PRR19: variants seen among roughly 807,000 people sequenced by gnomAD.
The protein encoded by PRR19 is proline-rich protein 19.
In PRR19, 9 loss-of-function variants were observed where a neutral mutation model predicts 19.2. That is an observed-to-expected ratio of 0.47 (90% CI 0.28 to 0.82). PRR19 has a LOEUF of 0.82. Among genes scored for constraint, PRR19 ranks in the 40% least tolerant of loss-of-function variants. The pLI, the probability that PRR19 is intolerant of heterozygous loss-of-function variation, is 0.11. For synonymous variants in PRR19, 190 were observed against 191.0 expected (o/e 0.99, Z 0.04); for missense variants, 457 against 466.0 (o/e 0.98, Z 0.18).
At chr19:42,307,793 G>T (rs1374501169) in intron 1 of PRR19, among the ~76,000 whole-genome samples, 1 of 94,168 alleles carries the variant, frequency 1.1e-5, no homozygotes, top group Non-Finnish European at 2.0e-5. Flanking sequence ...AGTCTCGCTC[G>T]GTCATCCAGG....
Position 42,310,373 on chromosome 19 carries a change from A to G in PRR19, c.704A>G (p.Lys235Arg). ...QERQRKQQGT[K>R]EFTFPMPYTS... is the part of the protein sequence containing the mutation. ...AGGCAAAGGAAGCAACAAGGGACAA[A>G]GGAGTTCACCTTCCCCATGCCCTAC... The change falls in exon 3 of 3, where the codon AAG becomes AGG. Residue 235 changes from lysine (K) to arginine (R), a missense_variant. Transcript: ENST00000341747. 6.2e-7 allele frequency: 1 copy of G among 1,614,168 alleles called. No homozygotes were observed. Among genetic ancestry groups the G allele is most frequent in the Non-Finnish European group, 8.5e-7 (1 of 1,179,998 alleles).
At position 42,307,338 on chromosome 19, in the gene PRR19, G is replaced by T. The variant is rs537884020; in HGVS notation, c.-6-2241G>T. 3.3e-5 allele frequency among the ~76,000 whole-genome samples: 5 copies of T among 151,814 alleles called. No individual in the cohort carries two copies. In the East Asian group the frequency reaches 7.7e-4, roughly 24 times the overall value. On this transcript the variant is annotated intron_variant, in intron 1 of 2. Transcript: ENST00000341747. ...CACTTTCTGCATTCCCCTGTACCTC[G>T]TCTACCCCTGGATTTCTCCGTCCAG...
chr19:42,302,701 G>A (rs978219922), intron 1 of PRR19, 198 bp downstream of exon 1: 5 of 245,152 alleles, frequency 2.0e-5, no homozygotes, highest in Non-Finnish European at 4.1e-5. Context: ...CGAACTACCT[G>A]AAGAGTCGAG....
chr19:42,302,594 C>A (rs2038655333), intron 1 of PRR19, 91 bp downstream of exon 1: 4 of 401,312 alleles, frequency 1.0e-5, no homozygotes, highest in Non-Finnish European at 9.1e-6. Flanking sequence ...ACTCCCAGGC[C>A]GCGCACCCGG....
In PRR19 at chr19:42,310,468, C is replaced by T; in HGVS notation, c.799C>T (p.Pro267Ser). ...AAGAGGTCCCTGGCCACCATACTTT[C>T]CCTCACTGTCTTCGCCATCTGGAAC... ...PPRGPWPPYF[P>S]SLSSPSGTAW... Residue 267 changes from proline (P) to serine (S), a missense_variant, in exon 3 of 3, where the codon CCC becomes TCC. Physicochemically the swap from Pro to Ser is moderately conservative, Grantham distance 74. Transcript: ENST00000341747. 6.2e-7 allele frequency: 1 copy of T among 1,614,190 alleles called. No individual in the cohort carries two copies. The highest frequency in any genetic ancestry group is 1.7e-5 in the Admixed American group (1 of 60,026).
Position 42,302,157 on chromosome 19 carries a change from G to C in PRR19, c.-353G>C. 6.7e-7 allele frequency: 1 copy of C among 1,496,594 alleles called. No homozygotes were observed. The highest frequency in any genetic ancestry group is 2.5e-5 in the East Asian group (1 of 40,578). The allele number at this position is 1,496,594 out of a possible 1,614,324, so 92.7% of individuals were successfully genotyped here. ...AGTTTCCCAATCAGGTAGTGAGAGTGGCACGAACCAGCCGTTCTCCTGAGC... is the reference window on the plus strand; with the variant it reads ...AGTTTCCCAATCAGGTAGTGAGAGTCGCACGAACCAGCCGTTCTCCTGAGC... On this transcript the variant is annotated 5_prime_UTR_variant, in exon 1 of 3. Coordinates refer to ENST00000341747, the MANE Select transcript of PRR19 (RefSeq NM_199285.3).
rs2038787793 is a variant in PRR19, at chr19:42,310,744, G to A, written c.*4G>A. 1 of 1,508,988 alleles carries A rather than the reference G, an allele frequency of 6.6e-7. No individual in the cohort carries two copies. Among genetic ancestry groups the A allele is most frequent in the Admixed American group, 2.2e-5 (1 of 45,530 alleles). The allele number at this position is 1,508,988 out of a possible 1,614,324, so 93.5% of individuals were successfully genotyped here. ...TCCACCCATGAGACTGTACTGAGGAGAGGCTGAGGCTAGGGCTGGGGACAG... is the reference window on the plus strand; with the variant it reads ...TCCACCCATGAGACTGTACTGAGGAAAGGCTGAGGCTAGGGCTGGGGACAG... On this transcript the variant is annotated 3_prime_UTR_variant, in exon 3 of 3. Transcript: ENST00000341747.
rs953901336 is a variant in PRR19 at position 42,302,485 on chromosome 19, G to A, written c.-25G>A. ...AGGGCGCCGCCTCCTCTCCAGGGACGGAAGCCTTCACTTAGGAGGTAGGTG... is the reference window on the plus strand; with the variant it reads ...AGGGCGCCGCCTCCTCTCCAGGGACAGAAGCCTTCACTTAGGAGGTAGGTG... On this transcript the variant is annotated 5_prime_UTR_variant, in exon 1 of 3. Transcript: ENST00000341747. 8.4e-6 allele frequency: 5 copies of A among 591,980 alleles called. No individual in the cohort carries two copies. Among genetic ancestry groups the A allele is most frequent in the African/African-American group, 5.6e-5 (3 of 53,500 alleles). The allele number at this position is 591,980 out of a possible 1,614,324, so 36.7% of individuals were successfully genotyped here.
chr19:42,303,868 AG>A (rs1472211302), intron 1 of PRR19, among the ~76,000 whole-genome samples: 1 of 152,070 alleles, frequency 6.6e-6, no homozygotes, highest in Non-Finnish European at 1.5e-5. Flanking sequence ...TGGGTTTCCT[AG>A]GAGTAGTATC....
Position 42,302,277 on chromosome 19 carries a change from G to C in PRR19, c.-233G>C. 1.2e-6 allele frequency: 2 copies of C among 1,607,172 alleles called. No homozygotes were observed. The highest frequency in any genetic ancestry group is 1.7e-6 in the Non-Finnish European group (2 of 1,177,500). On this transcript the variant is annotated 5_prime_UTR_variant, in exon 1 of 3. Transcript: ENST00000341747. ...CGCCCTGTACGTCCTGCACCGGCGTGGGCTTGCTGGCTGGGTTCTCCTCTC... is the reference window on the plus strand; with the variant it reads ...CGCCCTGTACGTCCTGCACCGGCGTCGGCTTGCTGGCTGGGTTCTCCTCTC...
At chr19:42,307,728 C>T (rs185636323) in intron 1 of PRR19, among the ~76,000 whole-genome samples, 4,470 of 149,768 alleles carry the variant, frequency 0.03, 209 homozygotes, top group African/African-American at 0.1. Flanking sequence ...AGCCACTGCG[C>T]CTGGCCCCCA....
chr19:42,306,766 A>T (rs1025262194), intron 1 of PRR19, among the ~76,000 whole-genome samples: 15 of 152,154 alleles, frequency 9.9e-5, no homozygotes, highest in Non-Finnish European at 8.8e-5. Flanking sequence ...AAGGGGGCGG[A>T]CCTAGTGAAC....
At position 42,309,983 on chromosome 19, in the gene PRR19, A is replaced by G. The variant is rs780002987; in HGVS notation, c.399A>G (p.Pro133=). 5.0e-6 allele frequency: 8 copies of G among 1,613,874 alleles called. No individual in the cohort carries two copies. The East Asian group carries it at 1.8e-4, about 36-fold the overall frequency. The part of the protein sequence containing the change: ...KENQVPGGSG[P]GPPSSPELSG... Reference sequence around the variant, plus strand: ...ACCAGGTGCCTGGAGGTTCGGGCCCAGGCCCACCCAGTTCCCCAGAGTTGT... The same window carrying G: ...ACCAGGTGCCTGGAGGTTCGGGCCCGGGCCCACCCAGTTCCCCAGAGTTGT... The change falls in exon 2 of 3, where the codon CCA becomes CCG. Residue 133 remains proline, a synonymous_variant. Coordinates refer to ENST00000341747, the MANE Select transcript of PRR19 (RefSeq NM_199285.3).
chr19:42,302,161 C>A lies in PRR19; in HGVS notation c.-349C>A. 2 of 1,502,650 alleles carry A rather than the reference C, an allele frequency of 1.3e-6. No homozygotes were observed. The highest frequency in any genetic ancestry group is 2.5e-5 in the East Asian group (1 of 40,640). The allele number at this position is 1,502,650 out of a possible 1,614,324, so 93.1% of individuals were successfully genotyped here. ...TCCCAATCAGGTAGTGAGAGTGGCACGAACCAGCCGTTCTCCTGAGCCACC... is the reference window on the plus strand; with the variant it reads ...TCCCAATCAGGTAGTGAGAGTGGCAAGAACCAGCCGTTCTCCTGAGCCACC... On this transcript the variant is annotated 5_prime_UTR_variant, in exon 1 of 3. Transcript: ENST00000341747.
chr19:42,310,128 C>T lies in PRR19; in HGVS notation c.544C>T (p.His182Tyr), dbSNP rs1280123904. ...DAIVHTLQAC[H>Y]GCVPDLALVL... is the part of the protein sequence containing the mutation. ...CATCGTGCACACCTTGCAGGCCTGT[C>T]ATGGTTGTGTGCCTGACCTTGCCCT... is the stretch of plus-strand genomic sequence containing the variant. The change falls in exon 2 of 3, where the codon CAT becomes TAT. Residue 182 changes from histidine to tyrosine, a missense_variant. His to Tyr is a moderately conservative substitution (Grantham distance 83, BLOSUM62 2). Coordinates refer to ENST00000341747, the MANE Select transcript of PRR19 (RefSeq NM_199285.3). 1 of 1,614,102 alleles carries T rather than the reference C, an allele frequency of 6.2e-7. No individual in the cohort carries two copies. The highest frequency in any genetic ancestry group is 1.1e-5 in the South Asian group (1 of 91,082).
chr19:42,309,674 C>A lies in PRR19; in HGVS notation c.90C>A (p.Asn30Lys). 6.3e-7 allele frequency: 1 copy of A among 1,598,646 alleles called. No individual in the cohort carries two copies. The change falls in exon 2 of 3, where the codon AAC becomes AAA. Residue 30 changes from asparagine to lysine, a missense_variant. Transcript: ENST00000341747. ...VRRRKTRRER[N>K]KALVGSRRPL... is the part of the protein sequence containing the mutation. ...GTCGGAAGACTAGGCGGGAACGTAACAAGGCCCTGGTGGGCAGCCGCCGGC... is the reference window on the plus strand; with the variant it reads ...GTCGGAAGACTAGGCGGGAACGTAAAAAGGCCCTGGTGGGCAGCCGCCGGC...
chr19:42,302,803 T>C (rs1442975414), intron 1 of PRR19: 6 of 62,264 alleles, frequency 9.6e-5, no homozygotes, highest in African/African-American at 4.8e-4. Flanking sequence ...CCACCTACTG[T>C]TGCGGGGGGG....
chr19:42,303,968 T>C (rs1457434469), intron 1 of PRR19, among the ~76,000 whole-genome samples: 3 of 151,922 alleles, frequency 2.0e-5, no homozygotes, highest in Non-Finnish European at 4.4e-5. Flanking sequence ...GGGAATATCG[T>C]GGAATAGCTT....
intron 2 of PRR19, 21 bp downstream of exon 2, chr19:42,310,206 T>C (rs777517188): frequency 5.5e-5 from 89 of 1,613,936 alleles, no homozygotes; most frequent in South Asian, 4.7e-4. Flanking sequence ...CTCCTGCCCC[T>C]GTACTCCCCT....
Sources: gnomAD v4.1 joint callset for allele counts (sites outside exome capture counted in the v4.1 genomes callset) on GRCh38, gnomAD v4.1.1 for gene constraint, MANE v1.5 for transcripts, NCBI Gene and HGNC (gene_info 2026-07-23, HGNC 2026-07-21) for gene names.